Variants in HUS1 observed in about 807,000 individuals in gnomAD.
The protein encoded by HUS1 is checkpoint protein HUS1.
HUS1 carries 31 observed loss-of-function variants against 32.6 expected under a neutral mutation model. That is an observed-to-expected ratio of 0.95 (90% confidence interval 0.72 to 1.28). The LOEUF (loss-of-function observed/expected upper bound fraction) is 1.28, where lower values mean the gene tolerates loss of function less well. HUS1 is among the 50% of genes most tolerant of loss of function. The pLI is 0.00. For missense variants in HUS1, 340 were observed against 337.7 expected (o/e 1.01, Z -0.05); for synonymous variants, 123 against 116.6 (o/e 1.06, Z -0.36).
intron 3 of HUS1, chr7:47,978,120 T>C: frequency 5.0e-6 from 1 of 201,554 alleles, no homozygotes; most frequent in Non-Finnish European, 8.5e-6. Context: ...AAGGTGAAAA[T>C]GGATAGAGAA....
At chr7:47,969,745 C>T (rs1469310468) in intron 5 of HUS1, among the ~76,000 whole-genome samples, 2 of 151,040 alleles carry the variant, frequency 1.3e-5, no homozygotes, top group African/African-American at 2.4e-5. Context: ...AGAATGGGCA[C>T]CTTGGGCAAA....
At chr7:47,974,382 T>C (rs912976471) in intron 5 of HUS1, among the ~76,000 whole-genome samples, 6 of 151,846 alleles carry the variant, frequency 4.0e-5, no homozygotes, top group Non-Finnish European at 8.8e-5. Flanking sequence ...AGAGGGGTGG[T>C]GGGGAAAGGT....
chr7:47,970,382 T>C (rs957723725), intron 5 of HUS1, among the ~76,000 whole-genome samples: 1 of 145,342 alleles, frequency 6.9e-6, no homozygotes, highest in African/African-American at 2.6e-5. Flanking sequence ...ATTAGAAACA[T>C]AAGGAAAAAT....
rs1369943699 is a variant in HUS1 at position 47,979,549 on chromosome 7, T to C, written c.-30A>G. ...GCGGATGGCGCAGCCGCGGCGGGCC[T>C]CTGTGGGTAACAGAAAAGCGTCGCG... On this transcript the variant is annotated 5_prime_UTR_variant, in exon 1 of 8. Coordinates refer to ENST00000258774, the MANE Select transcript of HUS1 (RefSeq NM_004507.4). The C allele has an allele frequency of 6.3e-7, 1 of 1,577,620 alleles. No individual in the cohort carries two copies. Among genetic ancestry groups the C allele is most frequent in the South Asian group, 1.1e-5 (1 of 90,410 alleles).
intron 5 of HUS1, among the ~76,000 whole-genome samples, chr7:47,969,793 G>A (rs1223375528): frequency 6.6e-6 from 1 of 152,136 alleles, no homozygotes; most frequent in East Asian, 1.9e-4. Context: ...GAAAAAGAGG[G>A]ACAGATCTCA....
At chr7:47,975,995 A>G (rs1180552899) in intron 4 of HUS1, among the ~76,000 whole-genome samples, 2 of 152,140 alleles carry the variant, frequency 1.3e-5, no homozygotes, top group African/African-American at 4.8e-5. Flanking sequence ...ATGCCCCTAT[A>G]TTGGTCCAGG....
At chr7:47,973,781 C>G (rs1229507820) in intron 5 of HUS1, among the ~76,000 whole-genome samples, 4 of 152,202 alleles carry the variant, frequency 2.6e-5, no homozygotes, top group African/African-American at 9.7e-5. Context: ...CAAAACACCT[C>G]TGATGATTCT....
intron 3 of HUS1, 155 bp downstream of exon 3, chr7:47,978,262 G>C (rs1403055052): frequency 1.6e-6 from 1 of 608,716 alleles, no homozygotes; most frequent in East Asian, 2.8e-5. Context: ...AGGAGGAACT[G>C]ACTCTAATGC....
At chr7:47,968,557 G>A (rs2128764810) in intron 6 of HUS1, among the ~76,000 whole-genome samples, 1 of 152,304 alleles carries the variant, frequency 6.6e-6, no homozygotes, top group South Asian at 2.1e-4. Context: ...GCACACTTAT[G>A]TATCATAAAA....
At chr7:47,970,683 G>A (rs1046651537) in intron 5 of HUS1, among the ~76,000 whole-genome samples, 1 of 152,090 alleles carries the variant, frequency 6.6e-6, no homozygotes, top group Non-Finnish European at 1.5e-5. Flanking sequence ...CACACACCTG[G>A]GAAAACTGAC....
intron 1 of HUS1, 150 bp from the exon 2 acceptor site, chr7:47,978,966 C>T (rs1035405934): frequency 2.8e-6 from 2 of 702,488 alleles, no homozygotes; most frequent in African/African-American, 3.6e-5. Context: ...CTTTAATACC[C>T]CTGATGTCAC....
At chr7:47,965,471 T>C in intron 7 of HUS1, 33 bp from the exon 8 acceptor site, 4 of 1,442,342 alleles carry the variant, frequency 2.8e-6, no homozygotes, top group Non-Finnish European at 2.9e-6. Flanking sequence ...TTTAGAGACC[T>C]AGTGCAGCAC....
At position 47,979,403 on chromosome 7, in the gene HUS1, T is replaced by TGGA. The variant is rs1295936788; in HGVS notation, c.52+64_52+65insTCC. The TGGA allele has an allele frequency of 6.2e-5, 91 of 1,470,498 alleles. 1 individual carries two copies. The highest frequency in any genetic ancestry group is 6.3e-5 in the Non-Finnish European group (69 of 1,092,704). The allele number at this position is 1,470,498 out of a possible 1,614,324, so 91.1% of individuals were successfully genotyped here. ...TCCCCGTTCTGATCCTCCTGCGCGG[T>TGGA]CCCCACCGCGCGCTCACTGCTTCCT... is the stretch of plus-strand genomic sequence containing the variant. On this transcript the variant is annotated intron_variant, in intron 1 of 7. Coordinates refer to ENST00000258774, the MANE Select transcript of HUS1 (RefSeq NM_004507.4).
Position 47,978,317 on chromosome 7 carries a change from C to G in HUS1, c.357+100G>C, listed in dbSNP as rs531929888. ...GATCTTTAAATTTAAATAAACCAAA[C>G]AGCTTTCAACAGTATTTATTGTTAA... is the stretch of plus-strand genomic sequence containing the variant. On this transcript the variant is annotated intron_variant, in intron 3 of 7. Coordinates refer to ENST00000258774, the MANE Select transcript of HUS1 (RefSeq NM_004507.4). 6.0e-6 allele frequency: 6 copies of G among 1,002,658 alleles called. No homozygotes were observed. The East Asian group carries it at 9.6e-5, about 16-fold the overall frequency. 62.1% of individuals were successfully genotyped at this position (1,002,658 alleles called of 1,614,324 possible).
chr7:47,975,762 C>G, intron 4 of HUS1, 75 bp from the exon 5 acceptor site: 1 of 795,506 alleles, frequency 1.3e-6, no homozygotes, highest in East Asian at 2.7e-5. Flanking sequence ...GGCCCCATAA[C>G]TAACTCTAGA....
chr7:47,975,569 C>T, intron 5 of HUS1, 44 bp downstream of exon 5: 2 of 1,324,912 alleles, frequency 1.5e-6, no homozygotes. Flanking sequence ...CACGCCGTCC[C>T]ACCAAATACT....
At chr7:47,965,707 A>G (rs1788464650) in intron 7 of HUS1, among the ~76,000 whole-genome samples, 1 of 152,156 alleles carries the variant, frequency 6.6e-6, no homozygotes, top group East Asian at 1.9e-4. Context: ...CTTCCTGGCA[A>G]ACCACATTCA....
At chr7:47,970,384 A>C (rs1788574546) in intron 5 of HUS1, among the ~76,000 whole-genome samples, 1 of 152,140 alleles carries the variant, frequency 6.6e-6, no homozygotes, top group Non-Finnish European at 1.5e-5. Flanking sequence ...TAGAAACATA[A>C]GGAAAAATTT....
rs541622307 is a variant in HUS1, at chr7:47,968,492, T to G, written c.641-567A>C. Among the ~76,000 whole-genome samples the G allele has an allele frequency of 2.0e-5, 3 of 152,368 alleles. No individual in the cohort carries two copies. The South Asian group carries it at 6.2e-4, about 32-fold the overall frequency. ...CTCTATGCTAAAATCTGTGTTTATA[T>G]TCAAGCAGACTCGTAGTAACTTAAA... On this transcript the variant is annotated intron_variant, in intron 6 of 7. Transcript: ENST00000258774.
Sources: allele counts gnomAD v4.1 joint callset (sites outside exome capture counted in the v4.1 genomes callset), GRCh38; gene constraint gnomAD v4.1.1; transcripts MANE v1.5; gene names NCBI Gene and HGNC (gene_info 2026-07-23, HGNC 2026-07-21).